Variants in TSPAN11 observed in about 807,000 individuals in gnomAD.
TSPAN11 encodes tetraspanin-11.
In TSPAN11, 29 loss-of-function variants were observed where a neutral mutation model predicts 32.9. That is an observed-to-expected ratio of 0.88 (90% CI 0.66 to 1.20). The LOEUF (loss-of-function observed/expected upper bound fraction) is 1.20. TSPAN11 is among the 50% of genes most tolerant of loss of function. The pLI is 0.00. For synonymous variants in TSPAN11, 140 were observed against 141.3 expected (o/e 0.99, Z 0.07); for missense variants, 283 against 329.1 (o/e 0.86, Z 1.08).
intron 7 of TSPAN11, among the ~76,000 whole-genome samples, chr12:30,985,902 G>A (rs372821590): frequency 6.6e-5 from 10 of 152,218 alleles, no homozygotes; most frequent in African/African-American, 1.9e-4. Flanking sequence ...CTGTTCCTTC[G>A]CCGTTGCTAT....
chr12:30,991,152 C>T (rs754870612), intron 7 of TSPAN11, among the ~76,000 whole-genome samples: 11 of 152,278 alleles, frequency 7.2e-5, no homozygotes, highest in African/African-American at 1.4e-4. Flanking sequence ...CTGTGGATAC[C>T]GACAGAAGGG....
rs575579733 is a variant in TSPAN11, at chr12:30,993,152, C to T, written c.*1237C>T. ...CTATTACAAAGGGGCAGCCCATTCA[C>T]TACACAAGAACCCCACACCTGGCTT... On this transcript the variant is annotated 3_prime_UTR_variant, in exon 8 of 8. Coordinates refer to ENST00000546076, the MANE Select transcript of TSPAN11 (RefSeq NM_001370302.1). The T allele has an allele frequency of 4.6e-5, 7 of 152,362 alleles. No homozygotes were observed. In the South Asian group the frequency reaches 1.4e-3, roughly 32 times the overall value. The allele number at this position is 152,362 out of a possible 1,614,324, so 9.4% of individuals were successfully genotyped here. A position where few individuals can be genotyped will look rare whatever the true frequency, so the allele number is the denominator to read the frequency against.
intron 3 of TSPAN11, among the ~76,000 whole-genome samples, chr12:30,965,410 G>T (rs1047921539): frequency 6.6e-6 from 1 of 152,100 alleles, no homozygotes; most frequent in African/African-American, 2.4e-5. Context: ...GTTTAGAGAG[G>T]ACAGGACTCA....
At chr12:31,011,614 C>A in the TSPAN11 span, among the ~76,000 whole-genome samples, 1 of 152,218 alleles carries the variant, frequency 6.6e-6, no homozygotes, top group Non-Finnish European at 1.5e-5. Context: ...ATGCCAGCCA[C>A]CAGGCCTATG....
At chr12:31,001,759 C>A in the TSPAN11 span, among the ~76,000 whole-genome samples, 1 of 152,154 alleles carries the variant, frequency 6.6e-6, no homozygotes, top group East Asian at 1.9e-4. Context: ...CAGCCACTCC[C>A]ATGGACTGAA....
At chr12:30,952,262 A>G (rs1338192821) in intron 1 of TSPAN11, among the ~76,000 whole-genome samples, 1 of 152,094 alleles carries the variant, frequency 6.6e-6, no homozygotes, top group Non-Finnish European at 1.5e-5. Context: ...GCCACTTGCT[A>G]AGGGCCTGCG....
At chr12:30,973,876 G>T (rs1020423927) in intron 3 of TSPAN11, among the ~76,000 whole-genome samples, 49 of 152,236 alleles carry the variant, frequency 3.2e-4, no homozygotes, top group African/African-American at 1.2e-3. Flanking sequence ...CAAACCTTAT[G>T]GCGTCACACC....
chr12:30,983,924 G>A (rs529604238), intron 7 of TSPAN11, among the ~76,000 whole-genome samples: 2 of 152,206 alleles, frequency 1.3e-5, no homozygotes, highest in Non-Finnish European at 2.9e-5. Context: ...GACTGTGTGT[G>A]TGTGTGCCCT....
At chr12:30,949,618 A>T (rs1055919595) in intron 1 of TSPAN11, among the ~76,000 whole-genome samples, 15 of 152,172 alleles carry the variant, frequency 9.9e-5, no homozygotes, top group Admixed American at 9.8e-4. Flanking sequence ...CCCACAGCAC[A>T]TGGGAATTCT....
At chr12:30,970,260 C>T (rs964729002) in intron 3 of TSPAN11, among the ~76,000 whole-genome samples, 2 of 152,324 alleles carry the variant, frequency 1.3e-5, no homozygotes, top group South Asian at 4.1e-4. Flanking sequence ...AGCCAGCTGG[C>T]CAGGCCCTAA....
At chr12:30,940,346 A>G (rs2140274473) in intron 1 of TSPAN11, among the ~76,000 whole-genome samples, 1 of 152,264 alleles carries the variant, frequency 6.6e-6, no homozygotes, top group East Asian at 1.9e-4. Flanking sequence ...CGACACCCAT[A>G]CATCAGGTAC....
chr12:30,945,583 T>C (rs1342183467), intron 1 of TSPAN11, among the ~76,000 whole-genome samples: 1 of 152,036 alleles, frequency 6.6e-6, no homozygotes, highest in Non-Finnish European at 1.5e-5. Flanking sequence ...GATGGAGCCT[T>C]GCCCTGTTCA....
chr12:30,978,199 A>G (rs1939013479), intron 3 of TSPAN11: 3 of 213,122 alleles, frequency 1.4e-5, no homozygotes, highest in African/African-American at 6.7e-5. Context: ...CACCATTTCT[A>G]GAGCTTACCC....
chr12:30,964,066 C>A, intron 3 of TSPAN11, 49 bp downstream of exon 3: 1 of 1,576,528 alleles, frequency 6.3e-7, no homozygotes, highest in Non-Finnish European at 8.6e-7. Context: ...CTGCACCACC[C>A]AGTCAGGTTT....
chr12:30,987,987 G>T (rs1284918155), intron 7 of TSPAN11, among the ~76,000 whole-genome samples: 1 of 152,380 alleles, frequency 6.6e-6, no homozygotes, highest in Middle Eastern at 3.4e-3. Flanking sequence ...ACTCCCTGCG[G>T]CTGCAGGCTG....
chr12:30,981,751 C>G (rs1218859873), intron 5 of TSPAN11, among the ~76,000 whole-genome samples: 1 of 152,212 alleles, frequency 6.6e-6, no homozygotes, highest in African/African-American at 2.4e-5. Context: ...CAAGTTTCTT[C>G]GCTCCAGGCA....
At chr12:30,946,262 A>G (rs74086321) in intron 1 of TSPAN11, among the ~76,000 whole-genome samples, 2,647 of 152,212 alleles carry the variant, frequency 0.017, 66 homozygotes, top group African/African-American at 0.06. Flanking sequence ...CTGAGAGCAA[A>G]TTCTCCAGTG....
At chr12:30,967,055 G>C (rs185267976) in intron 3 of TSPAN11, among the ~76,000 whole-genome samples, 7 of 152,318 alleles carry the variant, frequency 4.6e-5, no homozygotes, top group African/African-American at 1.7e-4. Flanking sequence ...TTGGAGAATA[G>C]TGTAATCATA....
intron 1 of TSPAN11, among the ~76,000 whole-genome samples, chr12:30,943,067 T>C (rs897569811): frequency 1.3e-5 from 2 of 151,822 alleles, no homozygotes; most frequent in Non-Finnish European, 2.9e-5. Context: ...CTCCAGAGGG[T>C]TCTCCAAGCA....
Sources: gnomAD v4.1 joint callset for allele counts (sites outside exome capture counted in the v4.1 genomes callset) on GRCh38, gnomAD v4.1.1 for gene constraint, MANE v1.5 for transcripts, NCBI Gene and HGNC (gene_info 2026-07-23, HGNC 2026-07-21) for gene names.